EPRS1: variants seen among roughly 807,000 people sequenced by gnomAD.
EPRS1 encodes bifunctional glutamate/proline--tRNA ligase.
Under a neutral mutation model 188.3 loss-of-function variants are expected in EPRS1, and 107 were observed. That is an observed-to-expected ratio of 0.57 (90% CI 0.49 to 0.67). The LOEUF (loss-of-function observed/expected upper bound fraction) is 0.67. Ranked by LOEUF, EPRS1 falls within the 30% of genes least tolerant of loss-of-function variation. EPRS1 has a pLI of 0.00. For synonymous variants in EPRS1, 596 were observed against 593.1 expected, an observed-to-expected ratio of 1.00 and a Z score of -0.07; for missense variants, 1,577 against 1,802.2, an observed-to-expected ratio of 0.88 and a Z score of 2.26.
rs1013436914 is a variant in EPRS1 at position 220,015,187 on chromosome 1, G to A, written c.1494+3262C>T. ...GAAGAAAGAAAAAGAATTCAAAGCC[G>A]GGCACAGTGGCACACACCTGTAATC... On this transcript the variant is annotated intron_variant, in intron 12 of 31. Coordinates refer to ENST00000366923, the MANE Select transcript of EPRS1 (RefSeq NM_004446.3). 5.3e-5 allele frequency among the ~76,000 whole-genome samples: 8 copies of A among 152,214 alleles called. No individual in the cohort carries two copies. The East Asian group carries it at 7.7e-4, about 15-fold the overall frequency.
At chr1:220,032,677 T>G in intron 4 of EPRS1, 151 bp from the exon 5 acceptor site, 1 of 772,266 alleles carries the variant, frequency 1.3e-6, no homozygotes, top group Non-Finnish European at 2.1e-6. Flanking sequence ...ACTGAACTGT[T>G]TTCTAAAACA....
intron 4 of EPRS1, among the ~76,000 whole-genome samples, chr1:220,032,731 C>G (rs1662110508): frequency 6.6e-6 from 1 of 152,022 alleles, no homozygotes; most frequent in African/African-American, 2.4e-5. Flanking sequence ...TAGATACAAC[C>G]AACTGAAGAC....
rs1382878781 is a variant in EPRS1 at position 219,998,841 on chromosome 1, TG to T, written c.2182-1500del. On this transcript the variant is annotated intron_variant, in intron 17 of 31. Coordinates refer to ENST00000366923, the MANE Select transcript of EPRS1 (RefSeq NM_004446.3). ...CAAGCTTAAGCCACTGCGCCTGGCC[TG>T]TTCTGCTACATTTAATTTGCAACAT... 2.0e-5 allele frequency among the ~76,000 whole-genome samples: 3 copies of T among 151,574 alleles called. No homozygotes were observed. The East Asian group carries it at 5.8e-4, about 30-fold the overall frequency.
At chr1:220,024,711 C>A (rs1016451916) in intron 7 of EPRS1, among the ~76,000 whole-genome samples, 1 of 152,176 alleles carries the variant, frequency 6.6e-6, no homozygotes, top group African/African-American at 2.4e-5. Context: ...AAAAGCTGGT[C>A]ATTACTGGGA....
At chr1:220,021,689 C>G (rs944058063) in intron 9 of EPRS1, among the ~76,000 whole-genome samples, 2 of 152,162 alleles carry the variant, frequency 1.3e-5, no homozygotes, top group Non-Finnish European at 2.9e-5. Context: ...GTGTATTTGT[C>G]TATATATGGA....
chr1:219,973,216 A>T (rs760748249), intron 29 of EPRS1, 22 bp downstream of exon 29: 3 of 1,605,410 alleles, frequency 1.9e-6, no homozygotes, highest in Non-Finnish European at 2.6e-6. Flanking sequence ...AGAGAGAGAC[A>T]TAAGCAATTT....
intron 21 of EPRS1, 129 bp downstream of exon 21, chr1:219,984,077 C>T (rs1660956146): frequency 7.4e-6 from 5 of 673,908 alleles, no homozygotes; most frequent in Admixed American, 5.2e-5. Flanking sequence ...TAAATGACTA[C>T]ACTGTGTATT....
In EPRS1 at chr1:220,032,399, G is replaced by A. The variant is rs755887444; in HGVS notation, c.516C>T (p.Thr172=). 6.2e-6 allele frequency: 10 copies of A among 1,600,616 alleles called. No individual in the cohort carries two copies. The highest frequency in any genetic ancestry group is 6.8e-6 in the Non-Finnish European group (8 of 1,176,140). ...AAAAAAGGCTTACCACTCGAGCTTTGGTTGTTGAAACATCCCACTTGGTAC... is the reference window on the plus strand; with the variant it reads ...AAAAAAGGCTTACCACTCGAGCTTTAGTTGTTGAAACATCCCACTTGGTAC... The part of the protein sequence containing the change: ...SVGTKWDVST[T]KARVAPEKKQ... The change falls in exon 5 of 32, where the codon ACC becomes ACT. Residue 172 remains threonine (T), a synonymous_variant. Coordinates refer to ENST00000366923, the MANE Select transcript of EPRS1 (RefSeq NM_004446.3).
In EPRS1 at chr1:220,035,020, T is replaced by C. The variant is rs546141942; in HGVS notation, c.132-7A>G. On this transcript the variant is annotated splice_polypyrimidine_tract_variant and splice_region_variant and intron_variant, in intron 2 of 31. Coordinates refer to ENST00000366923, the MANE Select transcript of EPRS1 (RefSeq NM_004446.3). ...ATCTGTGAATATCACATTTCTAGAA[T>C]ATAAGCACGAGATAAAATATTACTG... 1.8e-5 allele frequency: 26 copies of C among 1,419,660 alleles called. No individual in the cohort carries two copies. In the East Asian group the frequency reaches 5.8e-4, roughly 32 times the overall value. The allele number at this position is 1,419,660 out of a possible 1,614,324, so 87.9% of individuals were successfully genotyped here.
rs2080436340 is a variant in EPRS1, at chr1:219,992,272, T to C, written c.2542-3449A>G. Among the ~76,000 whole-genome samples, 2 of 152,154 alleles carry C rather than the reference T, an allele frequency of 1.3e-5. 1 individual carries two copies. Among genetic ancestry groups the C allele is most frequent in the Admixed American group, 1.3e-4 (2 of 15,276 alleles). On this transcript the variant is annotated intron_variant, in intron 18 of 31. Coordinates refer to ENST00000366923, the MANE Select transcript of EPRS1 (RefSeq NM_004446.3). ...TTGGCAAGATGAATTATTGGGGACA[T>C]AAAATACAAGGTGCCGTGAATTAAA...
At position 219,978,793 on chromosome 1, in the gene EPRS1, C is replaced by A. The variant is rs550111615; in HGVS notation, c.3910-74G>T. The A allele has an allele frequency of 3.7e-6, 4 of 1,076,512 alleles. No homozygotes were observed. In the South Asian group the frequency reaches 5.0e-5, roughly 13 times the overall value. The allele number at this position is 1,076,512 out of a possible 1,614,324, so 66.7% of individuals were successfully genotyped here. ...AGTAATGAGCTCTCAGAAGTCGAAA[C>A]CTACCAGTGGCTATATTATTAACAC... On this transcript the variant is annotated intron_variant, in intron 27 of 31. Coordinates refer to ENST00000366923, the MANE Select transcript of EPRS1 (RefSeq NM_004446.3).
intron 13 of EPRS1, among the ~76,000 whole-genome samples, chr1:220,008,764 C>CACT (rs1661544897): frequency 6.6e-6 from 1 of 152,112 alleles, no homozygotes; most frequent in Non-Finnish European, 1.5e-5. Context: ...AGTCACAGCT[C>CACT]GCTGCAGCCT....
At chr1:219,998,012 C>T (rs971267823) in intron 17 of EPRS1, among the ~76,000 whole-genome samples, 2 of 151,976 alleles carry the variant, frequency 1.3e-5, no homozygotes, top group Non-Finnish European at 2.9e-5. Flanking sequence ...TAAAATCAAC[C>T]CTGAAGAGTG....
At chr1:219,996,477 G>A (rs1262146724) in intron 18 of EPRS1, among the ~76,000 whole-genome samples, 1 of 152,110 alleles carries the variant, frequency 6.6e-6, no homozygotes, top group Non-Finnish European at 1.5e-5. Flanking sequence ...TATTCTCCAC[G>A]TGCTCTGAAT....
intron 28 of EPRS1, 133 bp from the exon 29 acceptor site, chr1:219,973,531 GA>G (rs34026037): frequency 0.11 from 40,041 of 354,598 alleles, 1,668 homozygotes; most frequent in African/African-American, 0.23. Context: ...AAAAACAAGA[GA>G]AAAAAAAAAA....
chr1:219,988,468 G>C, intron 19 of EPRS1, 122 bp downstream of exon 19: 1 of 649,028 alleles, frequency 1.5e-6, no homozygotes, highest in South Asian at 2.0e-5. Context: ...CAAGGTAAGA[G>C]AATTAAGAAC....
intron 9 of EPRS1, among the ~76,000 whole-genome samples, 179 bp downstream of exon 9, chr1:220,022,168 G>A (rs1661889736): frequency 6.6e-6 from 1 of 152,152 alleles, no homozygotes; most frequent in Non-Finnish European, 1.5e-5. Flanking sequence ...AACCTTAATT[G>A]ACAGGTGAGT....
intron 23 of EPRS1, 127 bp from the exon 24 acceptor site, chr1:219,981,584 G>A: frequency 2.0e-6 from 1 of 500,212 alleles, no homozygotes; most frequent in Non-Finnish European, 3.6e-6. Context: ...AAAATAAAAT[G>A]TATGTTTGTG....
rs202017759 is a variant in EPRS1 at position 219,988,663 on chromosome 1, G to A, written c.2702C>T (p.Ala901Val). Reference sequence around the variant, plus strand: ...AGCTACTTTGTCAAAAAGTACTTTCGCTTCTGGTGTTTCTAAACCAGCAGG... The same window carrying A: ...AGCTACTTTGTCAAAAAGTACTTTCACTTCTGGTGTTTCTAAACCAGCAGG... ...SEPAGLETPE[A>V]KVLFDKVASQ... The change falls in exon 19 of 32, where the codon GCG becomes GTG. Residue 901 changes from alanine (A) to valine (V), a missense_variant. Physicochemically the swap from Ala to Val is moderately conservative, Grantham distance 64. This residue lies in a region of EPRS1 where 1,278 missense variants were observed against 1,457.4 expected (regional missense o/e 0.88). Transcript: ENST00000366923. 3.7e-5 allele frequency: 60 copies of A among 1,613,750 alleles called. No individual in the cohort carries two copies. Among genetic ancestry groups the A allele is most frequent in the Admixed American group, 2.2e-4 (13 of 59,974 alleles).
Sources: gnomAD v4.1 joint callset for allele counts (sites outside exome capture counted in the v4.1 genomes callset) on GRCh38, gnomAD v4.1.1 for gene constraint, gnomAD v4.1.1 regional missense constraint, MANE v1.5 for transcripts, NCBI Gene and HGNC (gene_info 2026-07-23, HGNC 2026-07-21) for gene names.